Variants in KSR2 observed in about 807,000 individuals in gnomAD.
The protein encoded by KSR2 is kinase suppressor of ras 2.
A neutral mutation model predicts 107.8 loss-of-function variants in KSR2; 25 were observed. The observed-to-expected ratio is 0.23, with a 90% CI of 0.17 to 0.32. The LOEUF (loss-of-function observed/expected upper bound fraction) is 0.32, where lower values mean the gene tolerates loss of function less well. Among genes scored for constraint, KSR2 ranks in the 10% least tolerant of loss-of-function variants. The probability of loss-of-function intolerance (pLI) is 1.00; values close to 1 mark genes in which losing one functional copy is unlikely to be tolerated. For synonymous variants in KSR2, 480 were observed against 507.0 expected, an observed-to-expected ratio of 0.95 and a Z score of 0.71; for missense variants, 887 against 1,268.9, an observed-to-expected ratio of 0.70 and a Z score of 4.57.
intron 16 of KSR2, among the ~76,000 whole-genome samples, chr12:117,479,144 C>G (rs1031421948): frequency 1.3e-5 from 2 of 152,152 alleles, no homozygotes; most frequent in Admixed American, 1.3e-4. Context: ...CTTTCATAAC[C>G]CCTCCATCTC....
At chr12:117,562,509 A>G (rs1878193581) in intron 7 of KSR2, among the ~76,000 whole-genome samples, 1 of 152,166 alleles carries the variant, frequency 6.6e-6, no homozygotes, top group African/African-American at 2.4e-5. Context: ...ACCCCCACCT[A>G]AAAGTCATCT....
At chr12:117,962,633 C>T (rs866540997) in intron 1 of KSR2, among the ~76,000 whole-genome samples, 24 of 150,772 alleles carry the variant, frequency 1.6e-4, no homozygotes, top group South Asian at 4.2e-4. Context: ...TTAGTAGAGA[C>T]GGGGTTTCGC....
chr12:117,562,247 T>C lies in KSR2; in HGVS notation c.1326-3674A>G, dbSNP rs552110190. On this transcript the variant is annotated intron_variant, in intron 7 of 19. Transcript: ENST00000339824. The stretch of plus-strand genomic sequence containing the variant: ...TTTAAAGTGAAGAGAACAACACGAA[T>C]GGTGGGGACATGAGGAAGGGGAGGG... Among the ~76,000 whole-genome samples the C allele has an allele frequency of 2.9e-3, 291 of 101,036 alleles. 1 individual carries two copies. Among genetic ancestry groups the C allele is most frequent in the Non-Finnish European group, 2.8e-3 (146 of 52,920 alleles). 66.3% of individuals were successfully genotyped at this position (101,036 alleles called of 152,430 possible). A position where few individuals can be genotyped will look rare whatever the true frequency, so the allele number is the denominator to read the frequency against.
chr12:117,564,972 C>T (rs1462758746), intron 7 of KSR2, among the ~76,000 whole-genome samples: 2 of 152,198 alleles, frequency 1.3e-5, no homozygotes, highest in East Asian at 3.8e-4. Flanking sequence ...CTCCCTTCTT[C>T]CCAGTGCGGG....
intron 5 of KSR2, among the ~76,000 whole-genome samples, chr12:117,635,000 T>C (rs1285089647): frequency 6.6e-6 from 1 of 152,164 alleles, no homozygotes; most frequent in Non-Finnish European, 1.5e-5. Flanking sequence ...ATACAAGACC[T>C]GCCCAAGGTA....
chr12:117,720,021 T>C (rs1887144502), intron 4 of KSR2, among the ~76,000 whole-genome samples: 1 of 152,142 alleles, frequency 6.6e-6, no homozygotes, highest in South Asian at 2.1e-4. Flanking sequence ...AGAGACAGAG[T>C]GACTCAATAA....
At chr12:117,593,024 G>A (rs949060832) in intron 5 of KSR2, among the ~76,000 whole-genome samples, 1 of 152,108 alleles carries the variant, frequency 6.6e-6, no homozygotes, top group African/African-American at 2.4e-5. Context: ...TTACCGCTAT[G>A]ATCTGGAAAG....
intron 5 of KSR2, among the ~76,000 whole-genome samples, chr12:117,624,553 G>A (rs1379504734): frequency 1.3e-5 from 2 of 152,248 alleles, no homozygotes; most frequent in Admixed American, 6.5e-5. Flanking sequence ...TTATTTCTGA[G>A]ACCTGTCCCA....
At chr12:117,486,599 G>A (rs946957708) in intron 14 of KSR2, among the ~76,000 whole-genome samples, 1 of 152,188 alleles carries the variant, frequency 6.6e-6, no homozygotes, top group African/African-American at 2.4e-5. Flanking sequence ...AACCTGTGAT[G>A]TTATTGCTAA....
rs117403208 is a variant in KSR2 at position 117,605,683 on chromosome 12, T to C, written c.1172-23324A>G. On this transcript the variant is annotated intron_variant, in intron 5 of 19. Coordinates refer to ENST00000339824, the MANE Select transcript of KSR2 (RefSeq NM_173598.6). Reference sequence around the variant, plus strand: ...AAAGATAAATGTACATGTAAGTTCATTGCAGCACTATTCACAATAGCAAAG... The same window carrying C: ...AAAGATAAATGTACATGTAAGTTCACTGCAGCACTATTCACAATAGCAAAG... Among the ~76,000 whole-genome samples the C allele has an allele frequency of 6.4e-3, 977 of 152,278 alleles. 2 individuals are homozygous for C. Among genetic ancestry groups the C allele is most frequent in the Non-Finnish European group, 0.01 (698 of 68,030 alleles).
intron 3 of KSR2, 30 bp downstream of exon 3, chr12:117,855,398 T>C: frequency 6.2e-7 from 1 of 1,613,560 alleles, no homozygotes; most frequent in Non-Finnish European, 8.5e-7. Context: ...GGGACAAGTC[T>C]CCACATCCCC....
rs114114429 is a variant in KSR2 at position 117,545,687 on chromosome 12, T to G, written c.1519-5800A>C. On this transcript the variant is annotated intron_variant, in intron 9 of 19. Transcript: ENST00000339824. ...TTCTCTTTGTTGGTCTTGCTACAGGTTTGTCAATCTCATTTTTAATTTCTG... is the reference window on the plus strand; with the variant it reads ...TTCTCTTTGTTGGTCTTGCTACAGGGTTGTCAATCTCATTTTTAATTTCTG... Among the ~76,000 whole-genome samples, 510 of 152,292 alleles carry G rather than the reference T, an allele frequency of 3.3e-3. 2 individuals are homozygous for G. The highest frequency in any genetic ancestry group is 0.012 in the African/African-American group (488 of 41,580).
At chr12:117,623,490 G>C (rs1433349251) in intron 5 of KSR2, among the ~76,000 whole-genome samples, 1 of 152,030 alleles carries the variant, frequency 6.6e-6, no homozygotes, top group African/African-American at 2.4e-5. Context: ...TTGGTTTTCT[G>C]TCCTTGTGAC....
At chr12:117,566,719 C>A (rs1878517259) in intron 7 of KSR2, among the ~76,000 whole-genome samples, 2 of 152,196 alleles carry the variant, frequency 1.3e-5, no homozygotes, top group Non-Finnish European at 2.9e-5. Context: ...TGTGTTCCTC[C>A]TCTGTGCCAA....
chr12:117,480,887 TG>T (rs1477113414), intron 16 of KSR2, among the ~76,000 whole-genome samples: 2 of 152,052 alleles, frequency 1.3e-5, no homozygotes, highest in Non-Finnish European at 2.9e-5. Flanking sequence ...CAAGAATTTC[TG>T]GAGAGAACCA....
chr12:117,557,983 G>A (rs1274849310), intron 8 of KSR2, among the ~76,000 whole-genome samples: 1 of 152,104 alleles, frequency 6.6e-6, no homozygotes, highest in Non-Finnish European at 1.5e-5. Context: ...CCTGGTAGCG[G>A]CTCTCCCAGG....
intron 14 of KSR2, among the ~76,000 whole-genome samples, chr12:117,495,564 C>G (rs1284750196): frequency 2.0e-5 from 3 of 152,208 alleles, no homozygotes; most frequent in Non-Finnish European, 4.4e-5. Context: ...AGTGGCCTGC[C>G]AGGCATCAGA....
intron 1 of KSR2, among the ~76,000 whole-genome samples, chr12:117,908,024 G>C (rs1363077146): frequency 1.3e-5 from 2 of 152,098 alleles, no homozygotes; most frequent in African/African-American, 4.8e-5. Context: ...AATAAGAAAA[G>C]GAAACATTTG....
At chr12:117,793,512 T>G (rs1381749296) in intron 3 of KSR2, among the ~76,000 whole-genome samples, 1 of 102,372 alleles carries the variant, frequency 9.8e-6, no homozygotes, top group Admixed American at 1.0e-4. Flanking sequence ...CTTACACCAA[T>G]ATGCACACAT....
Sources: allele counts gnomAD v4.1 joint callset (sites outside exome capture counted in the v4.1 genomes callset), GRCh38; gene constraint gnomAD v4.1.1; transcripts MANE v1.5; gene names NCBI Gene and HGNC (gene_info 2026-07-23, HGNC 2026-07-21).